Variants in TIPARP observed in about 807,000 individuals in gnomAD.
TIPARP encodes TCDD inducible poly(ADP-ribose) polymerase, also known as protein mono-ADP-ribosyltransferase TIPARP.
TIPARP carries 12 observed loss-of-function variants against 56.5 expected under a neutral mutation model. The ratio of observed to expected loss-of-function variants is 0.21; its 90% CI spans 0.14 to 0.34. TIPARP has a LOEUF of 0.34. Ranked by LOEUF, TIPARP falls within the 10% of genes least tolerant of loss-of-function variation. The probability of loss-of-function intolerance (pLI) is 1.00; values close to 1 mark genes in which losing one functional copy is unlikely to be tolerated. For missense variants in TIPARP, 604 were observed against 781.6 expected, an observed-to-expected ratio of 0.77 and a Z score of 2.71; for synonymous variants, 296 against 265.7, an observed-to-expected ratio of 1.11 and a Z score of -1.11.
At chr3:156,687,700 A>G (rs1201053445) in intron 2 of TIPARP, among the ~76,000 whole-genome samples, 1 of 152,210 alleles carries the variant, frequency 6.6e-6, no homozygotes, top group Non-Finnish European at 1.5e-5. Flanking sequence ...GCTTAAAAAC[A>G]GATAATCTTT....
intron 2 of TIPARP, among the ~76,000 whole-genome samples, chr3:156,690,683 G>A (rs1722550985): frequency 1.3e-5 from 2 of 152,062 alleles, no homozygotes; most frequent in African/African-American, 4.8e-5. Flanking sequence ...TCATGATAGG[G>A]CTGTATCTTA....
At chr3:156,691,262 A>G (rs553644199) in intron 2 of TIPARP, among the ~76,000 whole-genome samples, 44 of 152,306 alleles carry the variant, frequency 2.9e-4, no homozygotes, top group African/African-American at 1.0e-3. Context: ...GCAGAAAGCT[A>G]TCTTGGATTG....
intron 2 of TIPARP, 90 bp from the exon 3 acceptor site, chr3:156,693,930 T>G: frequency 1.4e-6 from 2 of 1,386,044 alleles, no homozygotes; most frequent in Non-Finnish European, 1.9e-6. Flanking sequence ...ATGCTATGTA[T>G]TTTTAATGTC....
At position 156,703,569 on chromosome 3, in the gene TIPARP, G is replaced by C; in HGVS notation, c.1393G>C (p.Val465Leu). 6.2e-7 allele frequency: 1 copy of C among 1,614,186 alleles called. No individual in the cohort carries two copies. Among genetic ancestry groups the C allele is most frequent in the Non-Finnish European group, 8.5e-7 (1 of 1,180,038 alleles). Residue 465 changes from valine to leucine, a missense_variant, in exon 5 of 6, where the codon GTC (valine) becomes CTC (leucine). By Grantham distance (32) the Val-to-Leu change is conservative. Transcript: ENST00000295924. Reference sequence around the variant, plus strand: ...GCATCCATCTCAGGACTTCATCCAAGTCCCTGTTTCTGCAGAGGATAAAAG... The same window carrying C: ...GCATCCATCTCAGGACTTCATCCAACTCCCTGTTTCTGCAGAGGATAAAAG... ...YMHPSQDFIQVPVSAEDKSYR... is the reference protein window; with the variant it reads ...YMHPSQDFIQLPVSAEDKSYR...
At chr3:156,679,561 C>G (rs1722238880) in intron 2 of TIPARP, among the ~76,000 whole-genome samples, 1 of 152,008 alleles carries the variant, frequency 6.6e-6, no homozygotes, top group Non-Finnish European at 1.5e-5. Context: ...TGTGTATGAC[C>G]AAGAGTAAGG....
chr3:156,696,246 TAG>T (rs1722712242), intron 4 of TIPARP, among the ~76,000 whole-genome samples: 1 of 152,182 alleles, frequency 6.6e-6, no homozygotes, highest in African/African-American at 2.4e-5. Context: ...TTGGATTTTT[TAG>T]AGTTAACATT....
intron 5 of TIPARP, 24 bp from the exon 6 acceptor site, chr3:156,704,660 T>G (rs1559978053): frequency 8.2e-6 from 13 of 1,593,538 alleles, no homozygotes; most frequent in Non-Finnish European, 1.1e-5. Context: ...TCCTTCTGAA[T>G]TCTCTGTCTG....
At chr3:156,695,364 C>A (rs973048660) in intron 3 of TIPARP, among the ~76,000 whole-genome samples, 12 of 152,024 alleles carry the variant, frequency 7.9e-5, no homozygotes, top group African/African-American at 2.7e-4. Context: ...CAGGTGCATG[C>A]CACCATACTC....
At chr3:156,686,868 G>GA (rs1419704497) in intron 2 of TIPARP, among the ~76,000 whole-genome samples, 2 of 151,828 alleles carry the variant, frequency 1.3e-5, no homozygotes, top group African/African-American at 4.8e-5. Flanking sequence ...TATTTATGTA[G>GA]AAAAAATTAT....
At chr3:156,690,423 T>C (rs1722539885) in intron 2 of TIPARP, among the ~76,000 whole-genome samples, 1 of 152,126 alleles carries the variant, frequency 6.6e-6, no homozygotes, top group Non-Finnish European at 1.5e-5. Context: ...TGTCGGAAAA[T>C]GTTGGCTTAA....
In TIPARP at chr3:156,695,875, G is replaced by A. The variant is rs745377501; in HGVS notation, c.1097G>A (p.Arg366Gln). Residue 366 changes from arginine to glutamine, a missense_variant, in exon 4 of 6, where the codon CGA becomes CAA. Arg to Gln is a conservative substitution (Grantham distance 43). Transcript: ENST00000295924. ...GWREYPESVI[R>Q]LIEEANSRGL... ...TTTTCTCCTCCATAGTCTGTCATTC[G>A]ATTGATTGAAGAAGCCAACTCTCGG... The A allele has an allele frequency of 5.1e-6, 7 of 1,361,488 alleles. No homozygotes were observed. Among genetic ancestry groups the A allele is most frequent in the Middle Eastern group, 4.7e-4 (2 of 4,266 alleles). 84.3% of individuals were successfully genotyped at this position (1,361,488 alleles called of 1,614,324 possible).
intron 3 of TIPARP, 90 bp downstream of exon 3, chr3:156,694,278 A>G: frequency 8.3e-7 from 1 of 1,210,972 alleles, no homozygotes; most frequent in African/African-American, 1.6e-5. Context: ...AACAATGACT[A>G]GGCAGAACTA....
chr3:156,694,269 A>G, intron 3 of TIPARP, 81 bp downstream of exon 3: 1 of 1,322,646 alleles, frequency 7.6e-7, no homozygotes, highest in Non-Finnish European at 1.0e-6. Flanking sequence ...TTTCTTTACA[A>G]CAATGACTAG....
chr3:156,695,099 G>A (rs1722677188), intron 3 of TIPARP, among the ~76,000 whole-genome samples: 1 of 152,072 alleles, frequency 6.6e-6, no homozygotes, highest in African/African-American at 2.4e-5. Flanking sequence ...ATACAAGGCT[G>A]TTTAAAATGT....
chr3:156,676,495 T>C (rs1260236405), intron 1 of TIPARP, among the ~76,000 whole-genome samples: 1 of 152,240 alleles, frequency 6.6e-6, no homozygotes, highest in African/African-American at 2.4e-5. Context: ...TATGTGCTTT[T>C]CTTAACTAAT....
chr3:156,701,360 G>A (rs552477457), intron 4 of TIPARP, among the ~76,000 whole-genome samples: 5 of 152,322 alleles, frequency 3.3e-5, no homozygotes, highest in African/African-American at 1.2e-4. Flanking sequence ...TAGGTTTGCT[G>A]TACAGGCTGA....
Position 156,677,857 on chromosome 3 carries a change from A to C in TIPARP, c.160A>C (p.Arg54=). ...GAAAAGATTGGGAACTGGAACCCTG[A>C]GGTCTTTGAGGCCAATATTAAACAC... is the stretch of plus-strand genomic sequence containing the variant. The part of the protein sequence containing the change: ...DQKRLGTGTL[R]SLRPILNTLL... Residue 54 remains arginine, a synonymous_variant, in exon 2 of 6, where the codon AGG becomes CGG. Transcript: ENST00000295924. The C allele has an allele frequency of 6.2e-7, 1 of 1,614,170 alleles. No individual in the cohort carries two copies.
Position 156,703,565 on chromosome 3 carries a change from C to T in TIPARP, c.1389C>T (p.Ile463=). 6.2e-7 allele frequency: 1 copy of T among 1,614,218 alleles called. No homozygotes were observed. Among genetic ancestry groups the T allele is most frequent in the Non-Finnish European group, 8.5e-7 (1 of 1,180,048 alleles). Residue 463 remains isoleucine, a synonymous_variant, in exon 5 of 6, where the codon ATC becomes ATT. Coordinates refer to ENST00000295924, the MANE Select transcript of TIPARP (RefSeq NM_015508.5). The part of the protein sequence containing the change: ...WVYMHPSQDF[I]QVPVSAEDKS... Reference sequence around the variant, plus strand: ...ATATGCATCCATCTCAGGACTTCATCCAAGTCCCTGTTTCTGCAGAGGATA... The same window carrying T: ...ATATGCATCCATCTCAGGACTTCATTCAAGTCCCTGTTTCTGCAGAGGATA...
At chr3:156,700,023 C>T (rs1018532697) in intron 4 of TIPARP, among the ~76,000 whole-genome samples, 1 of 151,976 alleles carries the variant, frequency 6.6e-6, no homozygotes, top group Non-Finnish European at 1.5e-5. Flanking sequence ...TGATCTTAGC[C>T]AGGGAAAATG....
Sources: allele counts gnomAD v4.1 joint callset (sites outside exome capture counted in the v4.1 genomes callset), GRCh38; gene constraint gnomAD v4.1.1; transcripts MANE v1.5; gene names NCBI Gene and HGNC (gene_info 2026-07-23, HGNC 2026-07-21).